Variants in ENKUR observed in about 807,000 individuals in gnomAD.
ENKUR encodes enkurin, TRPC channel interacting protein.
Under a neutral mutation model 27.6 loss-of-function variants are expected in ENKUR, and 19 were observed. That is an observed-to-expected ratio of 0.69 (90% CI 0.48 to 1.01). The LOEUF is 1.01. Among genes scored for constraint, ENKUR ranks in the 50% least tolerant of loss-of-function variants. ENKUR has a pLI of 0.00. For missense variants in ENKUR, 312 were observed against 310.5 expected (o/e 1.00, Z -0.04); for synonymous variants, 117 against 96.9 (o/e 1.21, Z -1.22).
intron 2 of ENKUR, among the ~76,000 whole-genome samples, chr10:25,027,356 T>TAAAAAAAAAAAAAAA (rs1564352066): frequency 0.015 from 664 of 45,706 alleles, 131 homozygotes; most frequent in Admixed American, 0.027. Flanking sequence ...GACTCCCGTC[T>TAAAAAAAAAAAAAAA]CAAAAAAAAA....
intron 4 of ENKUR, among the ~76,000 whole-genome samples, chr10:24,989,602 C>A (rs887714952): frequency 1.3e-5 from 2 of 152,170 alleles, no homozygotes; most frequent in Non-Finnish European, 2.9e-5. Flanking sequence ...TTTAAAAAAT[C>A]TTATGCCTTT....
At chr10:25,049,241 A>G (rs1851156055) in intron 2 of ENKUR, among the ~76,000 whole-genome samples, 1 of 152,168 alleles carries the variant, frequency 6.6e-6, no homozygotes, top group Non-Finnish European at 1.5e-5. Flanking sequence ...TTCGTTCTCT[A>G]GGGGTACATT....
intron 1 of ENKUR, among the ~76,000 whole-genome samples, chr10:25,007,440 T>G (rs1175283039): frequency 6.6e-6 from 1 of 152,094 alleles, no homozygotes; most frequent in African/African-American, 2.4e-5. Context: ...ATTTGTTTGT[T>G]TGTTTATTTA....
intron 2 of ENKUR, among the ~76,000 whole-genome samples, chr10:25,044,451 C>G (rs1247252751): frequency 1.3e-5 from 2 of 152,148 alleles, no homozygotes; most frequent in African/African-American, 2.4e-5. Flanking sequence ...GGCTGGAGTG[C>G]AATGGCACAG....
chr10:24,994,336 CTTT>C (rs199991900), intron 3 of ENKUR, among the ~76,000 whole-genome samples: 4 of 137,660 alleles, frequency 2.9e-5, no homozygotes, highest in Non-Finnish European at 4.7e-5. Flanking sequence ...ATTCTGCACT[CTTT>C]TTTTTTTTTT....
Position 24,984,205 on chromosome 10 carries a change from C to A in ENKUR, c.*165G>T, listed in dbSNP as rs749309889. ...AGTGTTACGAATACTGAAAATATTTCTCACTGGGAATAACTGCAAATGTCA... is the reference window on the plus strand; with the variant it reads ...AGTGTTACGAATACTGAAAATATTTATCACTGGGAATAACTGCAAATGTCA... On this transcript the variant is annotated 3_prime_UTR_variant, in exon 6 of 6. Transcript: ENST00000331161. 1.2e-4 allele frequency: 84 copies of A among 683,190 alleles called. No homozygotes were observed. Among genetic ancestry groups the A allele is most frequent in the Middle Eastern group, 2.6e-4 (1 of 3,868 alleles). The allele number at this position is 683,190 out of a possible 1,614,324, so 42.3% of individuals were successfully genotyped here.
rs115118369 is a variant in ENKUR, at chr10:24,990,648, T to C, written c.448-39A>G. 2,356 of 1,567,588 alleles carry C rather than the reference T, an allele frequency of 1.5e-3. 23 individuals are homozygous for C. The highest frequency in any genetic ancestry group is 0.01 in the Middle Eastern group (61 of 5,824). On this transcript the variant is annotated intron_variant, in intron 3 of 5. Transcript: ENST00000331161. ...GCAGAAAAAAGTAATCAATATTTTG[T>C]ATGCAATCTTACATATGGGTACGTA...
intron 2 of ENKUR, among the ~76,000 whole-genome samples, chr10:25,056,501 C>A (rs935925756): frequency 1.3e-5 from 2 of 152,114 alleles, no homozygotes; most frequent in African/African-American, 4.8e-5. Flanking sequence ...ACTATGGAAT[C>A]ATTTGGTAAA....
chr10:25,049,259 A>T (rs147912262), intron 2 of ENKUR, among the ~76,000 whole-genome samples: 4 of 152,312 alleles, frequency 2.6e-5, no homozygotes, highest in Middle Eastern at 3.4e-3. Context: ...ATTCTCTCAG[A>T]TAAGTATTGC....
At chr10:25,046,526 G>A (rs1005218017) in intron 2 of ENKUR, among the ~76,000 whole-genome samples, 4 of 152,098 alleles carry the variant, frequency 2.6e-5, no homozygotes, top group Non-Finnish European at 5.9e-5. Flanking sequence ...GTGCATCTGC[G>A]TCCTGGCTTT....
At chr10:25,048,756 G>A (rs1298416287) in intron 2 of ENKUR, among the ~76,000 whole-genome samples, 1 of 152,130 alleles carries the variant, frequency 6.6e-6, no homozygotes, top group Non-Finnish European at 1.5e-5. Context: ...GGAGTCCAGA[G>A]AGGCAAGGGA....
At chr10:24,993,680 T>C (rs1849977039) in intron 3 of ENKUR, among the ~76,000 whole-genome samples, 1 of 152,258 alleles carries the variant, frequency 6.6e-6, no homozygotes, top group Admixed American at 6.5e-5. Flanking sequence ...AAGTCTTTCA[T>C]GAGCACTGAT....
rs756835941 is a variant in ENKUR, at chr10:24,999,402, G to T, written c.222C>A (p.Pro74=). Residue 74 remains proline (P), a splice_region_variant and synonymous_variant, in exon 2 of 6, where the codon CCC becomes CCA. Coordinates refer to ENST00000331161, the MANE Select transcript of ENKUR (RefSeq NM_145010.4). ...KKHSKEKTLP[P]KKNFDRNVPK... is the part of the protein sequence containing the mutation. ...AAAATAAAGCATGATAAAACCTACT[G>T]GGTGGTAGAGTTTTTTCCTTTGAAT... is the stretch of plus-strand genomic sequence containing the variant. The T allele has an allele frequency of 3.7e-6, 6 of 1,603,022 alleles. No individual in the cohort carries two copies. The highest frequency in any genetic ancestry group is 1.1e-5 in the South Asian group (1 of 88,062).
intron 1 of ENKUR, among the ~76,000 whole-genome samples, chr10:25,010,406 T>C (rs1850413357): frequency 1.3e-5 from 2 of 152,136 alleles, no homozygotes; most frequent in African/African-American, 2.4e-5. Flanking sequence ...CAGTTTTATG[T>C]ATTCACAAAG....
At chr10:25,030,640 G>A (rs1462766937) in intron 2 of ENKUR, among the ~76,000 whole-genome samples, 1 of 152,006 alleles carries the variant, frequency 6.6e-6, no homozygotes, top group Non-Finnish European at 1.5e-5. Flanking sequence ...TTTTGCTGCT[G>A]GAGCACTTTG....
chr10:24,987,447 G>A lies in ENKUR; in HGVS notation c.595-2542C>T, dbSNP rs576218471. Among the ~76,000 whole-genome samples, 10 of 151,778 alleles carry A rather than the reference G, an allele frequency of 6.6e-5. 1 individual carries two copies. The South Asian group carries it at 2.1e-3, about 32-fold the overall frequency. On this transcript the variant is annotated intron_variant, in intron 4 of 5. Coordinates refer to ENST00000331161, the MANE Select transcript of ENKUR (RefSeq NM_145010.4). ...AGGCCAGGAATTTGAGACCAGCCTG[G>A]GCAACATAGTCAGACTCCCTCTCTA...
At chr10:24,987,106 G>C (rs1483009513) in intron 4 of ENKUR, among the ~76,000 whole-genome samples, 2 of 152,182 alleles carry the variant, frequency 1.3e-5, no homozygotes, top group Admixed American at 6.5e-5. Context: ...GGAGAGTGAG[G>C]TTGGGGCATT....
chr10:25,015,901 G>A lies in ENKUR; in HGVS notation c.36C>T (p.Asn12=), dbSNP rs1372138934. Reference sequence around the variant, plus strand: ...GCTCCTTCAAGTCACTGGGTATGAGGTTATAAATGCACTCAGAAGAGCACG... The same window carrying A: ...GCTCCTTCAAGTCACTGGGTATGAGATTATAAATGCACTCAGAAGAGCACG... The part of the protein sequence containing the change: ...DPTCSSECIY[N]LIPSDLKEPP... The change falls in exon 1 of 6, where the codon AAC becomes AAT. Residue 12 remains asparagine, a synonymous_variant. Transcript: ENST00000331161. 3.1e-6 allele frequency: 5 copies of A among 1,608,124 alleles called. No homozygotes were observed. Among genetic ancestry groups the A allele is most frequent in the Non-Finnish European group, 4.2e-6 (5 of 1,177,064 alleles).
chr10:25,014,595 C>T (rs1850523670), intron 1 of ENKUR, among the ~76,000 whole-genome samples: 1 of 151,926 alleles, frequency 6.6e-6, no homozygotes, highest in African/African-American at 2.4e-5. Context: ...AATAAAATAA[C>T]TCTCAAATTC....
Sources: allele counts gnomAD v4.1 joint callset (sites outside exome capture counted in the v4.1 genomes callset), GRCh38; gene constraint gnomAD v4.1.1; transcripts MANE v1.5; gene names NCBI Gene and HGNC (gene_info 2026-07-23, HGNC 2026-07-21).